MIPOL1: variants seen among roughly 807,000 people sequenced by gnomAD.
MIPOL1 encodes mirror-image polydactyly gene 1 protein.
Under a neutral mutation model 60.9 loss-of-function variants are expected in MIPOL1, and 57 were observed. The ratio of observed to expected loss-of-function variants is 0.94; its 90% confidence interval spans 0.76 to 1.17. MIPOL1 has a LOEUF of 1.17. Ranked by LOEUF, MIPOL1 falls within the 50% of genes most tolerant of loss-of-function variation. The pLI is 0.00. For synonymous variants in MIPOL1, 179 were observed against 168.8 expected (o/e 1.06, Z -0.47); for missense variants, 551 against 511.6 (o/e 1.08, Z -0.74).
At chr14:37,488,423 T>TA (rs199570259) in intron 11 of MIPOL1, among the ~76,000 whole-genome samples, 3,206 of 152,294 alleles carry the variant, frequency 0.021, 101 homozygotes, top group African/African-American at 0.072. Flanking sequence ...AATGGGGTGT[T>TA]AAAGTCTCCC....
At chr14:37,206,404 G>C (rs193073015) in intron 1 of MIPOL1, among the ~76,000 whole-genome samples, 17 of 152,320 alleles carry the variant, frequency 1.1e-4, no homozygotes, top group African/African-American at 3.8e-4. Flanking sequence ...AGATTTAAGA[G>C]GATATATGGA....
intron 1 of MIPOL1, among the ~76,000 whole-genome samples, chr14:37,245,460 T>G (rs181919230): frequency 3.2e-4 from 48 of 152,252 alleles, no homozygotes; most frequent in African/African-American, 1.0e-3. Context: ...AATAAGACTG[T>G]GACATCAAGG....
intron 11 of MIPOL1, among the ~76,000 whole-genome samples, chr14:37,486,197 A>G (rs961743908): frequency 6.6e-6 from 1 of 151,928 alleles, no homozygotes; most frequent in Non-Finnish European, 1.5e-5. Context: ...TCGTCTATAT[A>G]TCTGTTTTGC....
intron 11 of MIPOL1, among the ~76,000 whole-genome samples, chr14:37,494,822 A>G (rs1056638052): frequency 1.3e-5 from 2 of 152,188 alleles, no homozygotes; most frequent in Non-Finnish European, 2.9e-5. Context: ...GACATTGTCT[A>G]CTTCCATCTT....
intron 11 of MIPOL1, among the ~76,000 whole-genome samples, chr14:37,462,669 C>A (rs7147101): frequency 0.23 from 34,473 of 152,074 alleles, 4,439 homozygotes; most frequent in South Asian, 0.36. Flanking sequence ...ACCAGATACC[C>A]TAAATCATGT....
intron 10 of MIPOL1, among the ~76,000 whole-genome samples, chr14:37,378,546 G>A (rs577268853): frequency 4.4e-4 from 67 of 151,702 alleles, no homozygotes; most frequent in African/African-American, 1.6e-3. Flanking sequence ...GTAACAAGGG[G>A]GTATTTCTTT....
At chr14:37,338,123 T>TTTTA (rs2090315868) in intron 9 of MIPOL1, among the ~76,000 whole-genome samples, 1 of 150,232 alleles carries the variant, frequency 6.7e-6, no homozygotes, top group Non-Finnish European at 1.5e-5. Context: ...TTTTTTTTTT[T>TTTTA]TGAGACGGAG....
chr14:37,404,532 A>G (rs1430503055), intron 10 of MIPOL1, among the ~76,000 whole-genome samples: 1 of 152,218 alleles, frequency 6.6e-6, no homozygotes, highest in Non-Finnish European at 1.5e-5. Flanking sequence ...AAAAGCCTGC[A>G]GAATGTCTGC....
chr14:37,241,617 C>T (rs1018060246), intron 1 of MIPOL1, among the ~76,000 whole-genome samples: 16 of 151,818 alleles, frequency 1.1e-4, no homozygotes, highest in Admixed American at 1.1e-3. Flanking sequence ...GAAACCGTTA[C>T]ATTGACCTTC....
At chr14:37,420,192 A>T (rs773374276) in intron 10 of MIPOL1, among the ~76,000 whole-genome samples, 4 of 152,068 alleles carry the variant, frequency 2.6e-5, no homozygotes, top group African/African-American at 4.8e-5. Context: ...ATATATGCTT[A>T]TATATGTACA....
intron 9 of MIPOL1, among the ~76,000 whole-genome samples, chr14:37,337,679 C>T (rs1342335617): frequency 6.6e-6 from 1 of 151,600 alleles, no homozygotes; most frequent in Non-Finnish European, 1.5e-5. Flanking sequence ...TGTATGTGTT[C>T]TTTAGAGAAA....
At chr14:37,406,131 A>G (rs955737828) in intron 10 of MIPOL1, among the ~76,000 whole-genome samples, 3 of 152,160 alleles carry the variant, frequency 2.0e-5, no homozygotes, top group Non-Finnish European at 2.9e-5. Context: ...TTGAGTATCC[A>G]GCAAGTCCTT....
intron 9 of MIPOL1, among the ~76,000 whole-genome samples, chr14:37,362,607 A>C (rs1051255837): frequency 3.3e-5 from 5 of 152,078 alleles, no homozygotes; most frequent in Non-Finnish European, 7.4e-5. Flanking sequence ...CTTCTCAAGC[A>C]GTATCTTTGT....
At chr14:37,400,637 A>G (rs1441857997) in intron 10 of MIPOL1, 1 of 152,154 alleles carries the variant, frequency 6.6e-6, no homozygotes, top group African/African-American at 2.4e-5. Context: ...TTGAATGAAT[A>G]ATAGAGAAGA....
At chr14:37,483,055 A>G (rs916314812) in intron 11 of MIPOL1, among the ~76,000 whole-genome samples, 3 of 151,876 alleles carry the variant, frequency 2.0e-5, no homozygotes, top group African/African-American at 7.3e-5. Context: ...TTGTTATACT[A>G]TATGTTTAGG....
intron 11 of MIPOL1, among the ~76,000 whole-genome samples, chr14:37,473,809 CA>C (rs2094724977): frequency 6.6e-6 from 1 of 152,078 alleles, no homozygotes; most frequent in South Asian, 2.1e-4. Flanking sequence ...TTGAAAAATG[CA>C]AAATGTCACA....
chr14:37,473,826 A>G (rs1566668490), intron 11 of MIPOL1, among the ~76,000 whole-genome samples: 1 of 151,764 alleles, frequency 6.6e-6, no homozygotes, highest in East Asian at 1.9e-4. Flanking sequence ...TCACATATTC[A>G]TTATTACAGT....
At chr14:37,520,926 CTTTTTTTTTTTTT>C (rs11299536) in intron 12 of MIPOL1, among the ~76,000 whole-genome samples, 1 of 47,732 alleles carries the variant, frequency 2.1e-5, no homozygotes, top group Non-Finnish European at 3.4e-5. Flanking sequence ...TAACATTTTA[CTTTTTTTTTTTTT>C]TTTTTTTTTT....
At chr14:37,487,622 T>C (rs941549164) in intron 11 of MIPOL1, among the ~76,000 whole-genome samples, 35 of 152,186 alleles carry the variant, frequency 2.3e-4, no homozygotes, top group African/African-American at 8.2e-4. Flanking sequence ...AGTTTATTTG[T>C]GTAGAGGTGT....
Sources: gnomAD v4.1 joint callset for allele counts (sites outside exome capture counted in the v4.1 genomes callset) on GRCh38, gnomAD v4.1.1 for gene constraint, MANE v1.5 for transcripts, NCBI Gene and HGNC (gene_info 2026-07-23, HGNC 2026-07-21) for gene names.